TP53BP1: variants seen among roughly 807,000 people sequenced by gnomAD.
TP53BP1 encodes tumor protein p53 binding protein 1, also known as TP53-binding protein 1.
TP53BP1 carries 61 observed loss-of-function variants against 200.8 expected under a neutral mutation model. That is an observed-to-expected ratio of 0.30 (90% CI 0.25 to 0.38). TP53BP1 has a LOEUF of 0.38. Ranked by LOEUF, TP53BP1 falls within the 10% of genes least tolerant of loss-of-function variation. TP53BP1 has a pLI of 1.00. For missense variants in TP53BP1, 2,144 were observed against 2,371.9 expected (o/e 0.90, Z 2.00); for synonymous variants, 822 against 844.3 (o/e 0.97, Z 0.46).
intron 24 of TP53BP1, 174 bp from the exon 25 acceptor site, chr15:43,409,915 A>T (rs543976197): frequency 5.1e-6 from 2 of 391,864 alleles, no homozygotes; most frequent in Admixed American, 8.8e-5. Context: ...AGGCCTTTAA[A>T]ATGCTGCCAA....
intron 11 of TP53BP1, among the ~76,000 whole-genome samples, chr15:43,464,335 T>C (rs2046512259): frequency 6.6e-6 from 1 of 152,162 alleles, no homozygotes; most frequent in African/African-American, 2.4e-5. Context: ...AGAAATGGTA[T>C]TTAAAAATAT....
chr15:43,425,080 G>A (rs557218044), intron 18 of TP53BP1, among the ~76,000 whole-genome samples: 1 of 152,304 alleles, frequency 6.6e-6, no homozygotes, highest in Non-Finnish European at 1.5e-5. Context: ...GGACTCTTCA[G>A]AGTCCCCTCC....
At chr15:43,479,355 T>C (rs758264902) in intron 7 of TP53BP1, 42 bp downstream of exon 7, 1 of 1,560,004 alleles carries the variant, frequency 6.4e-7, no homozygotes, top group Non-Finnish European at 8.7e-7. Flanking sequence ...AGTATAACCC[T>C]ACAGCAAAAC....
intron 4 of TP53BP1, among the ~76,000 whole-genome samples, chr15:43,488,105 C>G (rs1408685539): frequency 6.6e-6 from 1 of 151,512 alleles, no homozygotes; most frequent in African/African-American, 2.4e-5. Flanking sequence ...TGGAGACCAC[C>G]CTGGCCAATA....
Position 43,476,767 on chromosome 15 carries a change from G to A in TP53BP1, c.955+826C>T, listed in dbSNP as rs10518815. ...TACAACCAACATAATATGTTTTGCT[G>A]GTAATTAACTCAAGCTTTCTAGCTC... On this transcript the variant is annotated intron_variant, in intron 8 of 27. Transcript: ENST00000382044. Among the ~76,000 whole-genome samples the A allele has an allele frequency of 4.0e-3, 616 of 152,230 alleles. 3 individuals carry two copies. The highest frequency in any genetic ancestry group is 0.014 in the African/African-American group (573 of 41,526).
chr15:43,405,389 T>C lies in TP53BP1; in HGVS notation c.*1994A>G. ...CCAGGAGTACAACTCCTTCCCATCA[T>C]TCCCATGTGGAAGGGTCTCTCCCAT... is the stretch of plus-strand genomic sequence containing the variant. On this transcript the variant is annotated 3_prime_UTR_variant, in exon 28 of 28. Transcript: ENST00000382044. The C allele has an allele frequency of 6.0e-6, 4 of 669,142 alleles. No individual in the cohort carries two copies. The highest frequency in any genetic ancestry group is 1.0e-5 in the Non-Finnish European group (4 of 384,748). 41.5% of individuals were successfully genotyped at this position (669,142 alleles called of 1,614,324 possible).
chr15:43,497,960 G>A (rs984186870), upstream of TP53BP1, among the ~76,000 whole-genome samples: 1 of 152,082 alleles, frequency 6.6e-6, no homozygotes, highest in Non-Finnish European at 1.5e-5. Context: ...TGTGTACTTA[G>A]ATCATAAAAA....
At chr15:43,473,398 GTTCTCCACGTCCCCACCA>G (rs2046775231) in intron 10 of TP53BP1, among the ~76,000 whole-genome samples, 1 of 152,076 alleles carries the variant, frequency 6.6e-6, no homozygotes, top group African/African-American at 2.4e-5. Context: ...AGACACAAAG[GTTCTCCACGTCCCCACCA>G]GATTAGCTAG....
intron 15 of TP53BP1, among the ~76,000 whole-genome samples, chr15:43,439,045 T>C (rs757405061): frequency 6.6e-6 from 1 of 151,994 alleles, no homozygotes; most frequent in Non-Finnish European, 1.5e-5. Flanking sequence ...AATAATTCAG[T>C]AGGGAGGGGG....
At chr15:43,485,101 C>T (rs1012027154) in intron 4 of TP53BP1, among the ~76,000 whole-genome samples, 1 of 152,202 alleles carries the variant, frequency 6.6e-6, no homozygotes, top group Non-Finnish European at 1.5e-5. Context: ...CTCCCCTTCC[C>T]TGCTATATTT....
At chr15:43,510,508 A>AT (rs1248924017) in exon 1 of TP53BP1, 1 of 115,374 alleles carries the variant, frequency 8.7e-6, no homozygotes, top group African/African-American at 7.6e-5. Flanking sequence ...GTGACAAAAA[A>AT]CAAAAAAAAA....
At chr15:43,442,041 GCT>G (rs1293612760) in intron 14 of TP53BP1, among the ~76,000 whole-genome samples, 1 of 150,618 alleles carries the variant, frequency 6.6e-6, no homozygotes, top group African/African-American at 2.4e-5. Context: ...CAACAGTCTC[GCT>G]CTGTCACCCA....
chr15:43,496,694 G>T (rs1446354230), upstream of TP53BP1, among the ~76,000 whole-genome samples: 1 of 147,114 alleles, frequency 6.8e-6, no homozygotes, highest in African/African-American at 2.5e-5. Context: ...TGTGATCTCC[G>T]CTTACGGCAA....
At position 43,428,105 on chromosome 15, in the gene TP53BP1, T is replaced by A. The variant is rs751548444; in HGVS notation, c.3739A>T (p.Thr1247Ser). 24 of 1,613,494 alleles carry A rather than the reference T, an allele frequency of 1.5e-5. No homozygotes were observed. Among genetic ancestry groups the A allele is most frequent in the Non-Finnish European group, 1.9e-5 (23 of 1,179,516 alleles). The part of the protein sequence containing the change: ...HGHVLHRHMR[T>S]IREVRTLVTR... ...ACAAGTGTGCGTACTTCCCGGATTG[T>A]TCTCATGTGACGATGTAAGACATGG... Residue 1247 changes from threonine (T) to serine (S), a missense_variant, in exon 18 of 28, where the codon ACA (threonine) becomes TCA (serine). Physicochemically the swap from Thr to Ser is moderately conservative, Grantham distance 58 (BLOSUM62 1). Transcript: ENST00000382044.
Position 43,421,166 on chromosome 15 carries a change from T to C in TP53BP1, c.4109A>G (p.Lys1370Arg), listed in dbSNP as rs1424735140. Residue 1370 changes from lysine (K) to arginine (R), a missense_variant, in exon 20 of 28, where the codon AAA becomes AGA. Physicochemically the swap from Lys to Arg is conservative, Grantham distance 26. Transcript: ENST00000382044. ...TGGCGTCCCTGTCTGACTGACCCCTTTTCTAGGACTAGAGAATGAAGACAA... is the reference window on the plus strand; with the variant it reads ...TGGCGTCCCTGTCTGACTGACCCCTCTTCTAGGACTAGAGAATGAAGACAA... Reference protein sequence around the residue: ...RGGPGKLSPRKGVSQTGTPVC... With the variant: ...RGGPGKLSPRRGVSQTGTPVC... 4 of 1,613,786 alleles carry C rather than the reference T, an allele frequency of 2.5e-6. No individual in the cohort carries two copies. The Admixed American group carries it at 6.7e-5, about 27-fold the overall frequency.
rs140106370 is a variant in TP53BP1 at position 43,408,338 on chromosome 15, G to A, written c.5601-250C>T. The A allele has an allele frequency of 2.2e-3, 819 of 380,270 alleles. 6 individuals are homozygous for A. Among genetic ancestry groups the A allele is most frequent in the African/African-American group, 0.016 (769 of 48,088 alleles). 23.6% of individuals were successfully genotyped at this position (380,270 alleles called of 1,614,324 possible). On this transcript the variant is annotated intron_variant, in intron 26 of 27. Transcript: ENST00000382044. ...ACAAAAGACAACAAAAAAATTAGCT[G>A]GGTGTGGTGGCGAGTGCCTGTAGTC...
chr15:43,407,976 CAG>C lies in TP53BP1; in HGVS notation c.5711_5712del (p.Ser1904CysfsTer10). The C allele has an allele frequency of 6.2e-7, 1 of 1,613,852 alleles. No individual in the cohort carries two copies. Among genetic ancestry groups the C allele is most frequent in the Non-Finnish European group, 8.5e-7 (1 of 1,179,980 alleles). On this transcript the variant is annotated frameshift_variant, in exon 27 of 28. Coordinates refer to ENST00000382044, the MANE Select transcript of TP53BP1 (RefSeq NM_001141980.3). LOFTEE classifies it high-confidence loss of function. ...SEILMTGGAA[S>X]VKQHHSSAHN... ...TGGGCACTTGAATGGTGCTGCTTCA[CAG>C]AGGCTGCACCACCAGTCATGAGGAT...
chr15:43,472,331 C>A (rs1331483048), intron 10 of TP53BP1, among the ~76,000 whole-genome samples: 1 of 152,126 alleles, frequency 6.6e-6, no homozygotes, highest in Non-Finnish European at 1.5e-5. Context: ...ACTATTATAC[C>A]ATTACTTGTA....
At chr15:43,415,372 C>A in intron 23 of TP53BP1, 1 of 651,014 alleles carries the variant, frequency 1.5e-6, no homozygotes, top group Non-Finnish European at 2.8e-6. Context: ...CCACACTCAG[C>A]TAATTCTGGC....
Sources: allele counts gnomAD v4.1 joint callset (sites outside exome capture counted in the v4.1 genomes callset), GRCh38; gene constraint gnomAD v4.1.1; transcripts MANE v1.5; gene names NCBI Gene and HGNC (gene_info 2026-07-23, HGNC 2026-07-21).